Variants in MYL9 observed in about 807,000 individuals in gnomAD.
MYL9 encodes the protein myosin light chain 9, also known as myosin regulatory light polypeptide 9.
A neutral mutation model predicts 12.8 loss-of-function variants in MYL9; 7 were observed. That is an observed-to-expected ratio of 0.55 (90% CI 0.31 to 1.03). The LOEUF (loss-of-function observed/expected upper bound fraction) is 1.03. Ranked by LOEUF, MYL9 falls within the 50% of genes least tolerant of loss-of-function variation. MYL9 has a pLI of 0.05. For synonymous variants in MYL9, 81 were observed against 87.8 expected, an observed-to-expected ratio of 0.92 and a Z score of 0.43; for missense variants, 190 against 242.7, an observed-to-expected ratio of 0.78 and a Z score of 1.44.
Position 36,549,433 on chromosome 20 carries a change from C to A in MYL9, c.*184C>A. ...TGCCGAGCTGAGGCAGATGTTCCCA[C>A]AGTGACCCCAGAGCCCTGGGCTATA... On this transcript the variant is annotated 3_prime_UTR_variant, in exon 4 of 4. Transcript: ENST00000279022. 1 of 602,932 alleles carries A rather than the reference C, an allele frequency of 1.7e-6. No individual in the cohort carries two copies. The highest frequency in any genetic ancestry group is 2.9e-6 in the Non-Finnish European group (1 of 343,142). The allele number at this position is 602,932 out of a possible 1,614,324, so 37.3% of individuals were successfully genotyped here. A position where few individuals can be genotyped will look rare whatever the true frequency, so the allele number is the denominator to read the frequency against.
chr20:36,548,251 A>G, intron 3 of MYL9, 58 bp downstream of exon 3: 1 of 1,541,438 alleles, frequency 6.5e-7, no homozygotes, highest in Admixed American at 1.9e-5. Flanking sequence ...CCAGGCATTC[A>G]GTGCCTCTGC....
chr20:36,549,442 C>G lies in MYL9; in HGVS notation c.*193C>G, dbSNP rs1202749699. On this transcript the variant is annotated 3_prime_UTR_variant, in exon 4 of 4. Transcript: ENST00000279022. ...GAGGCAGATGTTCCCACAGTGACCCCAGAGCCCTGGGCTATAGTCTCTGAC... is the reference window on the plus strand; with the variant it reads ...GAGGCAGATGTTCCCACAGTGACCCGAGAGCCCTGGGCTATAGTCTCTGAC... The G allele has an allele frequency of 5.1e-6, 3 of 592,158 alleles. No homozygotes were observed. The highest frequency in any genetic ancestry group is 3.0e-5 in the Admixed American group (1 of 33,216). The allele number at this position is 592,158 out of a possible 1,614,324, so 36.7% of individuals were successfully genotyped here.
chr20:36,548,089 T>C lies in MYL9; in HGVS notation c.242T>C (p.Ile81Thr), dbSNP rs1185944134. Reference protein sequence around the residue: ...EGMMSEAPGPINFTMFLTMFG... With the variant: ...EGMMSEAPGPTNFTMFLTMFG... The stretch of plus-strand genomic sequence containing the variant: ...ATGATGAGCGAGGCCCCGGGGCCCA[T>C]CAACTTCACCATGTTCCTCACCATG... Residue 81 changes from isoleucine (I) to threonine (T), a missense_variant, in exon 3 of 4, where the codon ATC becomes ACC. Physicochemically the swap from Ile to Thr is moderately conservative, Grantham distance 89. Transcript: ENST00000279022. The C allele has an allele frequency of 6.2e-7, 1 of 1,613,864 alleles. No homozygotes were observed. The highest frequency in any genetic ancestry group is 1.7e-5 in the Admixed American group (1 of 59,988).
Position 36,549,328 on chromosome 20 carries a change from C to T in MYL9, c.*79C>T. 7.9e-7 allele frequency: 1 copy of T among 1,271,282 alleles called. No individual in the cohort carries two copies. The highest frequency in any genetic ancestry group is 1.1e-6 in the Non-Finnish European group (1 of 915,952). 78.8% of individuals were successfully genotyped at this position (1,271,282 alleles called of 1,614,324 possible). On this transcript the variant is annotated 3_prime_UTR_variant, in exon 4 of 4. Transcript: ENST00000279022. ...CACCCGTCCATACCAGCTCCCTGCC[C>T]ATGACCCTCGCTCAGGGATCCCCCT... is the stretch of plus-strand genomic sequence containing the variant.
chr20:36,548,847 A>G (rs1282687579), intron 3 of MYL9, among the ~76,000 whole-genome samples: 2 of 151,020 alleles, frequency 1.3e-5, no homozygotes, highest in African/African-American at 4.9e-5. Flanking sequence ...CCACTGCACA[A>G]CTCCTCCCCT....
intron 3 of MYL9, among the ~76,000 whole-genome samples, chr20:36,548,418 C>T (rs1421099717): frequency 1.3e-5 from 2 of 152,252 alleles, no homozygotes; most frequent in Non-Finnish European, 2.9e-5. Context: ...GCCCAATGCA[C>T]ATTCTCCATC....
intron 2 of MYL9, among the ~76,000 whole-genome samples, chr20:36,547,434 G>A (rs1174546642): frequency 6.6e-6 from 1 of 152,178 alleles, no homozygotes; most frequent in Non-Finnish European, 1.5e-5. Flanking sequence ...CAGTCCATAG[G>A]CCTGTGCCAG....
chr20:36,545,269 G>A (rs569617975), intron 2 of MYL9, among the ~76,000 whole-genome samples: 22 of 152,180 alleles, frequency 1.4e-4, no homozygotes, highest in African/African-American at 4.6e-4. Flanking sequence ...AGGCCAAGGC[G>A]GGCGGATCAA....
At position 36,548,078 on chromosome 20, in the gene MYL9, C is replaced by T. The variant is rs533129900; in HGVS notation, c.231C>T (p.Ala77=). ...ACCTGGAGGGCATGATGAGCGAGGC[C>T]CCGGGGCCCATCAACTTCACCATGT... is the stretch of plus-strand genomic sequence containing the variant. The part of the protein sequence containing the change: ...DEYLEGMMSE[A]PGPINFTMFL... The change falls in exon 3 of 4, where the codon GCC becomes GCT. Residue 77 remains alanine (A), a synonymous_variant. Coordinates refer to ENST00000279022, the MANE Select transcript of MYL9 (RefSeq NM_006097.5). 5.3e-5 allele frequency: 85 copies of T among 1,613,836 alleles called. No homozygotes were observed. In the Middle Eastern group the frequency reaches 2.8e-3, roughly 53 times the overall value.
chr20:36,542,071 C>G (rs879663262), intron 1 of MYL9, among the ~76,000 whole-genome samples: 1 of 152,086 alleles, frequency 6.6e-6, no homozygotes, highest in Admixed American at 6.5e-5. Flanking sequence ...GGAAAGGGAC[C>G]GAGACCAGGG....
At position 36,548,044 on chromosome 20, in the gene MYL9, CAGACGA is replaced by C. The variant is rs2038121993; in HGVS notation, c.199_204del (p.Asp67_Glu68del). ...CCACCTGCCACAGGGAAGAACCCCA[CAGACGA>C]ATACCTGGAGGGCATGATGAGCGAG... On this transcript the variant is annotated inframe_deletion, in exon 3 of 4. Coordinates refer to ENST00000279022, the MANE Select transcript of MYL9 (RefSeq NM_006097.5). The C allele has an allele frequency of 6.2e-7, 1 of 1,609,964 alleles. No homozygotes were observed. The highest frequency in any genetic ancestry group is 8.5e-7 in the Non-Finnish European group (1 of 1,177,560).
rs1391974797 is a variant in MYL9, at chr20:36,548,059, A to G, written c.212A>G (p.Glu71Gly). Residue 71 changes from glutamate to glycine, a missense_variant, in exon 3 of 4, where the codon GAG (glutamate) becomes GGG (glycine). Transcript: ENST00000279022. ...AAGAACCCCACAGACGAATACCTGG[A>G]GGGCATGATGAGCGAGGCCCCGGGG... Reference protein sequence around the residue: ...LGKNPTDEYLEGMMSEAPGPI... With the variant: ...LGKNPTDEYLGGMMSEAPGPI... 6.2e-7 allele frequency: 1 copy of G among 1,613,036 alleles called. No individual in the cohort carries two copies. Among genetic ancestry groups the G allele is most frequent in the Admixed American group, 1.7e-5 (1 of 59,914 alleles).
intron 2 of MYL9, among the ~76,000 whole-genome samples, chr20:36,547,050 T>A (rs891383422): frequency 6.6e-6 from 1 of 152,000 alleles, no homozygotes; most frequent in Non-Finnish European, 1.5e-5. Context: ...CACAGCAGGG[T>A]ATGTGAGGCT....
In MYL9 at chr20:36,548,168, T is replaced by A; in HGVS notation, c.321T>A (p.Phe107Leu). 2 of 1,613,070 alleles carry A rather than the reference T, an allele frequency of 1.2e-6. No individual in the cohort carries two copies. The highest frequency in any genetic ancestry group is 1.3e-5 in the African/African-American group (1 of 75,000). ...CCGAGGATGTGATTCGCAACGCCTTTGCCTGCTTCGACGAGGAAGCCTCAG... is the reference window on the plus strand; with the variant it reads ...CCGAGGATGTGATTCGCAACGCCTTAGCCTGCTTCGACGAGGAAGCCTCAG... ...TDPEDVIRNA[F>L]ACFDEEASGF... The change falls in exon 3 of 4, where the codon TTT becomes TTA. Residue 107 changes from phenylalanine (F) to leucine (L), a missense_variant. Phe to Leu is a conservative substitution (Grantham distance 22). Transcript: ENST00000279022.
At chr20:36,548,270 G>T in intron 3 of MYL9, 77 bp downstream of exon 3, 1 of 1,500,974 alleles carries the variant, frequency 6.7e-7, no homozygotes, top group Non-Finnish European at 8.9e-7. Flanking sequence ...GCCCCTAAGG[G>T]CCAGAACAGA....
intron 2 of MYL9, among the ~76,000 whole-genome samples, chr20:36,547,436 C>T (rs1030974891): frequency 2.0e-5 from 3 of 152,226 alleles, no homozygotes; most frequent in Admixed American, 1.3e-4. Flanking sequence ...GTCCATAGGC[C>T]TGTGCCAGTC....
chr20:36,543,105 C>T (rs567602819), intron 1 of MYL9, among the ~76,000 whole-genome samples: 48 of 152,256 alleles, frequency 3.2e-4, no homozygotes, highest in African/African-American at 1.1e-3. Flanking sequence ...CTCTAAAGCA[C>T]GGGAGAGGAG....
Position 36,548,101 on chromosome 20 carries a change from T to C in MYL9, c.254T>C (p.Met85Thr). Residue 85 changes from methionine (M) to threonine (T), a missense_variant, in exon 3 of 4, where the codon ATG becomes ACG. Met to Thr is a moderately conservative substitution (Grantham distance 81, BLOSUM62 -1). Coordinates refer to ENST00000279022, the MANE Select transcript of MYL9 (RefSeq NM_006097.5). ...SEAPGPINFTMFLTMFGEKLN... is the reference protein window; with the variant it reads ...SEAPGPINFTTFLTMFGEKLN... ...GCCCCGGGGCCCATCAACTTCACCA[T>C]GTTCCTCACCATGTTTGGGGAGAAG... The C allele has an allele frequency of 6.2e-7, 1 of 1,613,976 alleles. No homozygotes were observed. The highest frequency in any genetic ancestry group is 1.1e-5 in the South Asian group (1 of 91,074).
chr20:36,543,842 G>C (rs941199503), intron 1 of MYL9, among the ~76,000 whole-genome samples: 1 of 152,174 alleles, frequency 6.6e-6, no homozygotes, highest in African/African-American at 2.4e-5. Context: ...AAGAGCACAG[G>C]GGAGGAGGGG....
Sources: gnomAD v4.1 joint callset for allele counts (sites outside exome capture counted in the v4.1 genomes callset) on GRCh38, gnomAD v4.1.1 for gene constraint, MANE v1.5 for transcripts, NCBI Gene and HGNC (gene_info 2026-07-23, HGNC 2026-07-21) for gene names.